TSPEAR: variants seen among roughly 807,000 people sequenced by gnomAD.
TSPEAR encodes the protein thrombospondin-type laminin G domain and EAR repeat-containing protein.
A neutral mutation model predicts 71.6 loss-of-function variants in TSPEAR; 69 were observed. That is an observed-to-expected ratio of 0.96 (90% CI 0.79 to 1.18). The LOEUF is 1.18. Ranked by LOEUF, TSPEAR falls within the 50% of genes most tolerant of loss-of-function variation. The probability of loss-of-function intolerance (pLI) is 0.00; values close to 1 mark genes in which losing one functional copy is unlikely to be tolerated. For missense variants in TSPEAR, 971 were observed against 894.9 expected, an observed-to-expected ratio of 1.09 and a Z score of -1.09; for synonymous variants, 402 against 387.2, an observed-to-expected ratio of 1.04 and a Z score of -0.45.
At chr21:44,543,379 T>G (rs782585333) in intron 2 of TSPEAR, among the ~76,000 whole-genome samples, 4 of 152,198 alleles carry the variant, frequency 2.6e-5, no homozygotes, top group Non-Finnish European at 5.9e-5. Context: ...TAAGGTCTAA[T>G]TTACATGAGA....
chr21:44,694,160 C>T (rs1021640619), intron 1 of TSPEAR, among the ~76,000 whole-genome samples: 1 of 152,100 alleles, frequency 6.6e-6, no homozygotes, highest in African/African-American at 2.4e-5. Flanking sequence ...CCAAATGGTG[C>T]TGGGAAAACT....
Position 44,711,416 on chromosome 21 carries a change from C to A in TSPEAR, c.82+17G>T. 1 of 1,580,772 alleles carries A rather than the reference C, an allele frequency of 6.3e-7. No homozygotes were observed. The highest frequency in any genetic ancestry group is 2.3e-5 in the East Asian group (1 of 43,324). ...CGGCAAGATACCCCCGCCCGAGTTCCCATGCCCCTGCCTTACCTGTGCAGG... is the reference window on the plus strand; with the variant it reads ...CGGCAAGATACCCCCGCCCGAGTTCACATGCCCCTGCCTTACCTGTGCAGG... On this transcript the variant is annotated intron_variant, in intron 1 of 11. Coordinates refer to ENST00000323084, the MANE Select transcript of TSPEAR (RefSeq NM_144991.3). This position sits in a 1 kb window ranked among gnomAD's most constrained non-coding sequence, Gnocchi z 4.5.
At chr21:44,628,425 G>A in intron 1 of TSPEAR, 1 of 296,224 alleles carries the variant, frequency 3.4e-6, no homozygotes. Flanking sequence ...AGGGGGCAGA[G>A]TGGGGCCTGG....
At position 44,647,201 on chromosome 21, in the gene TSPEAR, C is replaced by T. The variant is rs782701177; in HGVS notation, c.82+64232G>A. 7.4e-6 allele frequency: 12 copies of T among 1,613,540 alleles called. No homozygotes were observed. In the South Asian group the frequency reaches 1.3e-4, roughly 18 times the overall value. ...CTCTGCCACCCCGTGTGCAGGTCCA[C>T]CTGCTGTGTGCCCGTCTCCTCCTGC... On this transcript the variant is annotated intron_variant, in intron 1 of 11. Coordinates refer to ENST00000323084, the MANE Select transcript of TSPEAR (RefSeq NM_144991.3).
intron 10 of TSPEAR, 43 bp from the exon 11 acceptor site, chr21:44,504,924 G>T (rs138218601): frequency 1.5e-5 from 23 of 1,508,620 alleles, no homozygotes; most frequent in Admixed American, 1.0e-4. Context: ...AACAGACATC[G>T]CCAGGGAACT....
chr21:44,525,955 G>T, intron 7 of TSPEAR, 116 bp from the exon 8 acceptor site: 1 of 1,075,472 alleles, frequency 9.3e-7, no homozygotes, highest in Non-Finnish European at 1.4e-6. Flanking sequence ...GCTACGTGGT[G>T]CAGGGACAGA....
chr21:44,549,082 A>G (rs2053353178), intron 2 of TSPEAR, among the ~76,000 whole-genome samples: 1 of 152,244 alleles, frequency 6.6e-6, no homozygotes, highest in African/African-American at 2.4e-5. Flanking sequence ...TTTGACGCAA[A>G]TCCTGCCCCT....
chr21:44,619,230 G>C (rs1022035251), intron 1 of TSPEAR, among the ~76,000 whole-genome samples: 1 of 152,214 alleles, frequency 6.6e-6, no homozygotes, highest in Non-Finnish European at 1.5e-5. Context: ...AGGGGTTTAA[G>C]GAACTCTCTG....
chr21:44,612,067 ACCAGCACTCACACCACCCAGT>A lies in TSPEAR; in HGVS notation c.83-44083_83-44063del. Reference sequence around the variant, plus strand: ...GGGCACACAAACCCACACACCTCACACCAGCACTCACACCACCCAGTCCAGCACCCACCATGGCTGACGCCT... The same window carrying A: ...GGGCACACAAACCCACACACCTCACACCAGCACCCACCATGGCTGACGCCT... On this transcript the variant is annotated intron_variant, in intron 1 of 11. Transcript: ENST00000323084. This position sits in a 1 kb window ranked among gnomAD's most constrained non-coding sequence, Gnocchi z 4.1. The A allele has an allele frequency of 6.3e-7, 1 of 1,598,790 alleles. No homozygotes were observed. Among genetic ancestry groups the A allele is most frequent in the Non-Finnish European group, 8.5e-7 (1 of 1,170,194 alleles).
At position 44,529,964 on chromosome 21, in the gene TSPEAR, G is replaced by A. The variant is rs782411678; in HGVS notation, c.634-10C>T. 1.8e-5 allele frequency: 29 copies of A among 1,582,930 alleles called. No individual in the cohort carries two copies. Among genetic ancestry groups the A allele is most frequent in the Non-Finnish European group, 2.4e-5 (28 of 1,169,536 alleles). ...GTTGCCTCACCAGTCCCTGCAGAGAGAGGGACAGCTCCTTCAGGCCCGCGC... is the reference window on the plus strand; with the variant it reads ...GTTGCCTCACCAGTCCCTGCAGAGAAAGGGACAGCTCCTTCAGGCCCGCGC... On this transcript the variant is annotated splice_polypyrimidine_tract_variant and intron_variant, in intron 4 of 11. Coordinates refer to ENST00000323084, the MANE Select transcript of TSPEAR (RefSeq NM_144991.3).
At chr21:44,503,674 G>A (rs1276826490) in intron 11 of TSPEAR, among the ~76,000 whole-genome samples, 5 of 132,498 alleles carry the variant, frequency 3.8e-5, no homozygotes, top group East Asian at 2.4e-4. Context: ...AGCCCACAGC[G>A]GGGAAGCAAG....
chr21:44,672,953 G>C (rs1417335803), intron 1 of TSPEAR, among the ~76,000 whole-genome samples: 1 of 152,124 alleles, frequency 6.6e-6, no homozygotes, highest in Non-Finnish European at 1.5e-5. Context: ...CACGCTCCTT[G>C]TACAGCCTGC....
intron 1 of TSPEAR, chr21:44,591,849 A>G (rs1555926677): frequency 4.4e-6 from 7 of 1,607,538 alleles, no homozygotes; most frequent in Non-Finnish European, 5.9e-6. Context: ...GCTGGCAGCT[A>G]GACTGCTGGC....
At chr21:44,652,106 C>A (rs1243690949) in intron 1 of TSPEAR, among the ~76,000 whole-genome samples, 4 of 151,766 alleles carry the variant, frequency 2.6e-5, no homozygotes, top group African/African-American at 9.7e-5. Context: ...GCCTCAGCCT[C>A]CCGAATAGCT....
At chr21:44,510,398 C>T (rs1353143384) in intron 9 of TSPEAR, among the ~76,000 whole-genome samples, 5 of 152,334 alleles carry the variant, frequency 3.3e-5, no homozygotes, top group African/African-American at 1.2e-4. Context: ...TAAGAAGCAG[C>T]TCTGAGAGCC....
At chr21:44,521,107 C>G (rs2838577) in intron 9 of TSPEAR, among the ~76,000 whole-genome samples, 24,375 of 152,120 alleles carry the variant, frequency 0.16, 2,826 homozygotes, top group African/African-American at 0.33. Flanking sequence ...AGAAGGACAC[C>G]AGGGAGGTGA....
At chr21:44,569,586 G>C (rs587611633) in intron 1 of TSPEAR, among the ~76,000 whole-genome samples, 1 of 152,172 alleles carries the variant, frequency 6.6e-6, no homozygotes, top group Non-Finnish European at 1.5e-5. Context: ...TGCAGATGGA[G>C]GGAGCACAGT....
At position 44,646,475 on chromosome 21, in the gene TSPEAR, T is replaced by C. The variant is rs782170053; in HGVS notation, c.82+64958A>G. On this transcript the variant is annotated intron_variant, in intron 1 of 11. Transcript: ENST00000323084. ...CACCCCAGCATGGCCGCGTCCACCA[T>C]GTCTGTCTGCTCCAGCGCTTACTCC... 4.3e-6 allele frequency: 7 copies of C among 1,612,220 alleles called. No individual in the cohort carries two copies. The South Asian group carries it at 6.6e-5, about 15-fold the overall frequency.
chr21:44,573,427 C>T (rs1490428605), intron 1 of TSPEAR, among the ~76,000 whole-genome samples: 2 of 152,154 alleles, frequency 1.3e-5, no homozygotes, highest in Non-Finnish European at 2.9e-5. Context: ...ACCATGCCAC[C>T]CTCCACGTGC....
Sources: allele counts gnomAD v4.1 joint callset (sites outside exome capture counted in the v4.1 genomes callset), GRCh38; gene constraint gnomAD v4.1.1; non-coding constraint Gnocchi (gnomAD v3.1); transcripts MANE v1.5; gene names NCBI Gene and HGNC (gene_info 2026-07-23, HGNC 2026-07-21).